Variants in GRID1 observed in about 807,000 individuals in gnomAD.
The protein encoded by GRID1 is glutamate ionotropic receptor delta type subunit 1.
Under a neutral mutation model 98.0 loss-of-function variants are expected in GRID1, and 28 were observed. The ratio of observed to expected loss-of-function variants is 0.29; its 90% confidence interval spans 0.21 to 0.39. The LOEUF (loss-of-function observed/expected upper bound fraction) is 0.39, where lower values mean the gene tolerates loss of function less well. Ranked by LOEUF, GRID1 falls within the 10% of genes least tolerant of loss-of-function variation. The pLI is 1.00. For synonymous variants in GRID1, 553 were observed against 538.5 expected (o/e 1.03, Z -0.37); for missense variants, 1,111 against 1,340.5 (o/e 0.83, Z 2.67).
chr10:85,903,425 T>C (rs1841416164), intron 5 of GRID1, among the ~76,000 whole-genome samples: 1 of 152,020 alleles, frequency 6.6e-6, no homozygotes, highest in Non-Finnish European at 1.5e-5. Flanking sequence ...AACTACTTCT[T>C]ACCTCCTCCA....
At chr10:85,785,855 G>A (rs1320677201) in intron 8 of GRID1, among the ~76,000 whole-genome samples, 1 of 151,646 alleles carries the variant, frequency 6.6e-6, no homozygotes, top group African/African-American at 2.4e-5. Context: ...GCAGCCCAAA[G>A]TGCATTAAAC....
intron 8 of GRID1, among the ~76,000 whole-genome samples, chr10:85,786,710 T>A (rs937665710): frequency 2.0e-5 from 3 of 152,166 alleles, no homozygotes; most frequent in Admixed American, 6.5e-5. Flanking sequence ...ATTACAGTAA[T>A]TACAGATGGG....
chr10:85,742,019 T>C (rs1841948946), intron 8 of GRID1, among the ~76,000 whole-genome samples: 1 of 152,170 alleles, frequency 6.6e-6, no homozygotes, highest in Non-Finnish European at 1.5e-5. Flanking sequence ...GGTTCAATCT[T>C]CCTAAGTATT....
chr10:85,985,562 T>C (rs564173217), intron 4 of GRID1, among the ~76,000 whole-genome samples: 1 of 152,328 alleles, frequency 6.6e-6, no homozygotes, highest in Admixed American at 6.5e-5. Flanking sequence ...CTAGCCATCC[T>C]GGAACCCCAG....
intron 4 of GRID1, among the ~76,000 whole-genome samples, chr10:86,130,476 T>C (rs1844818801): frequency 6.6e-6 from 1 of 152,064 alleles, no homozygotes; most frequent in Non-Finnish European, 1.5e-5. Flanking sequence ...CCAGGCTCCA[T>C]AAGCAGAAGG....
chr10:85,671,377 A>T (rs2132583739), intron 12 of GRID1, among the ~76,000 whole-genome samples: 1 of 152,256 alleles, frequency 6.6e-6, no homozygotes, highest in African/African-American at 2.4e-5. Flanking sequence ...AAACTTTTAA[A>T]ATTATTACTA....
intron 8 of GRID1, among the ~76,000 whole-genome samples, chr10:85,821,539 A>AAAAAAAAAAGAAAACAAAC (rs770693495): frequency 1.0e-5 from 1 of 97,594 alleles, no homozygotes; most frequent in Non-Finnish European, 2.2e-5. Context: ...AAAAAAAAAA[A>AAAAAAAAAAGAAAACAAAC]AAAAAAGAAA....
chr10:85,735,705 G>T (rs543426536), intron 8 of GRID1, among the ~76,000 whole-genome samples: 2 of 152,040 alleles, frequency 1.3e-5, no homozygotes, highest in African/African-American at 4.8e-5. Context: ...GAAACGGGTG[G>T]CAATCTTACT....
intron 8 of GRID1, among the ~76,000 whole-genome samples, chr10:85,830,061 C>T (rs112907227): frequency 0.016 from 2,451 of 152,262 alleles, 64 homozygotes; most frequent in African/African-American, 0.055. Flanking sequence ...TCAAACTATA[C>T]TACAAGGCTA....
intron 4 of GRID1, among the ~76,000 whole-genome samples, chr10:86,027,177 A>G (rs1314397534): frequency 6.6e-6 from 1 of 152,190 alleles, no homozygotes; most frequent in Non-Finnish European, 1.5e-5. Context: ...CATTTAATAC[A>G]TCAACTGTGT....
At chr10:86,187,547 G>A (rs984854752) in intron 3 of GRID1, among the ~76,000 whole-genome samples, 3 of 152,156 alleles carry the variant, frequency 2.0e-5, no homozygotes, top group Non-Finnish European at 2.9e-5. Context: ...AGCACTGAAC[G>A]AGACCAGGAA....
chr10:85,643,545 C>A (rs1213807885), intron 13 of GRID1, among the ~76,000 whole-genome samples: 4 of 152,142 alleles, frequency 2.6e-5, no homozygotes, highest in Non-Finnish European at 4.4e-5. Context: ...TTCAGACAAG[C>A]ATTTAAGTCC....
Position 86,087,452 on chromosome 10 carries a change from G to T in GRID1, c.726+51367C>A, listed in dbSNP as rs555808310. Among the ~76,000 whole-genome samples the T allele has an allele frequency of 7.4e-5, 11 of 148,864 alleles. No homozygotes were observed. The East Asian group carries it at 9.9e-4, about 13-fold the overall frequency. On this transcript the variant is annotated intron_variant, in intron 4 of 15. Transcript: ENST00000327946. Reference sequence around the variant, plus strand: ...GTGTACAGACCTGTTGTGATAGGTTGTTCCTGAGACTGTTTATACCTGTGT... The same window carrying T: ...GTGTACAGACCTGTTGTGATAGGTTTTTCCTGAGACTGTTTATACCTGTGT...
chr10:85,851,646 T>C lies in GRID1; in HGVS notation c.1233+2850A>G, dbSNP rs73336592. On this transcript the variant is annotated intron_variant, in intron 8 of 15. Transcript: ENST00000327946. ...CTTGGTTTAAGTCTGAAAGAAACTG[T>C]TTTGTCTGTGTCTGGTTTTGTTCAT... 5.5e-3 allele frequency among the ~76,000 whole-genome samples: 830 copies of C among 152,192 alleles called. 6 individuals are homozygous for C. Among genetic ancestry groups the C allele is most frequent in the African/African-American group, 0.019 (780 of 41,454 alleles).
rs145085164 is a variant in GRID1 at position 85,943,809 on chromosome 10, T to G, written c.727-27570A>C. The stretch of plus-strand genomic sequence containing the variant: ...GAGAAAAAGAAATTGAAAAGGCTAA[T>G]GTGATAGATCGCAAACAATGGCCAC... On this transcript the variant is annotated intron_variant, in intron 4 of 15. Coordinates refer to ENST00000327946, the MANE Select transcript of GRID1 (RefSeq NM_017551.3). Among the ~76,000 whole-genome samples, 275 of 152,316 alleles carry G rather than the reference T, an allele frequency of 1.8e-3. 1 individual carries two copies. Among genetic ancestry groups the G allele is most frequent in the African/African-American group, 6.3e-3 (261 of 41,576 alleles).
At chr10:86,011,055 A>T (rs1345159424) in intron 4 of GRID1, among the ~76,000 whole-genome samples, 2 of 152,176 alleles carry the variant, frequency 1.3e-5, no homozygotes, top group Non-Finnish European at 2.9e-5. Flanking sequence ...TTTTGAAAAA[A>T]ACTCACACTG....
intron 4 of GRID1, among the ~76,000 whole-genome samples, chr10:86,088,677 T>G (rs769911495): frequency 1.3e-5 from 2 of 152,184 alleles, no homozygotes; most frequent in Admixed American, 6.5e-5. Flanking sequence ...TTTTTCCTTA[T>G]TCTCCCCACT....
intron 4 of GRID1, among the ~76,000 whole-genome samples, chr10:85,997,051 A>G (rs1177687992): frequency 1.3e-5 from 2 of 152,198 alleles, no homozygotes; most frequent in African/African-American, 4.8e-5. Flanking sequence ...TAAAGTCTAT[A>G]TACAATAGAT....
intron 4 of GRID1, among the ~76,000 whole-genome samples, chr10:85,997,258 G>C (rs1244574119): frequency 6.6e-6 from 1 of 152,066 alleles, no homozygotes; most frequent in African/African-American, 2.4e-5. Flanking sequence ...AAATTAGCTG[G>C]GTGTGGTAGT....
Sources: gnomAD v4.1 joint callset for allele counts (sites outside exome capture counted in the v4.1 genomes callset) on GRCh38, gnomAD v4.1.1 for gene constraint, MANE v1.5 for transcripts, NCBI Gene and HGNC (gene_info 2026-07-23, HGNC 2026-07-21) for gene names.